TMEM45A: variants seen among roughly 807,000 people sequenced by gnomAD.
TMEM45A encodes the protein transmembrane protein 45A, also known as DNA polymerase-transactivated protein 4.
A neutral mutation model predicts 32.0 loss-of-function variants in TMEM45A; 25 were observed. The observed-to-expected ratio is 0.78, with a 90% CI of 0.57 to 1.09. The LOEUF is 1.09. TMEM45A is among the 50% of genes least tolerant of loss of function. The pLI is 0.00. For synonymous variants in TMEM45A, 122 were observed against 114.8 expected, an observed-to-expected ratio of 1.06 and a Z score of -0.40; for missense variants, 302 against 325.0, an observed-to-expected ratio of 0.93 and a Z score of 0.54.
At position 100,557,015 on chromosome 3, in the gene TMEM45A, G is replaced by A. The variant is rs183255113; in HGVS notation, c.403+43G>A. 2.5e-6 allele frequency: 4 copies of A among 1,583,622 alleles called. No homozygotes were observed. In the African/African-American group the frequency reaches 4.0e-5, roughly 16 times the overall value. ...TTTTCATGTACCTTTCTCTATTAGT[G>A]AGCATTTATGTAGCCCTTCATATTA... On this transcript the variant is annotated intron_variant, in intron 3 of 5. Coordinates refer to ENST00000323523, the MANE Select transcript of TMEM45A (RefSeq NM_018004.3).
intron 1 of TMEM45A, among the ~76,000 whole-genome samples, chr3:100,547,037 C>T (rs1313499761): frequency 1.3e-5 from 2 of 152,142 alleles, no homozygotes; most frequent in African/African-American, 4.8e-5. Context: ...TTTTTACTTC[C>T]CCCAAACTTG....
At chr3:100,532,430 T>G (rs1705663504) in intron 1 of TMEM45A, among the ~76,000 whole-genome samples, 1 of 152,220 alleles carries the variant, frequency 6.6e-6, no homozygotes, top group Non-Finnish European at 1.5e-5. Flanking sequence ...GGCTTTAATG[T>G]ACTTAACAGA....
chr3:100,513,345 C>G (rs561148713), intron 1 of TMEM45A, among the ~76,000 whole-genome samples: 1 of 152,074 alleles, frequency 6.6e-6, no homozygotes, highest in Admixed American at 6.5e-5. Flanking sequence ...AAATGTAATC[C>G]AGCATATAAA....
intron 1 of TMEM45A, among the ~76,000 whole-genome samples, chr3:100,514,846 C>T (rs1211543214): frequency 6.7e-6 from 1 of 149,376 alleles, no homozygotes; most frequent in African/African-American, 2.5e-5. Flanking sequence ...CAAAAGAAGA[C>T]ATTTATGCAG....
intron 1 of TMEM45A, among the ~76,000 whole-genome samples, chr3:100,504,449 A>G (rs188661687): frequency 1.3e-5 from 2 of 152,270 alleles, no homozygotes; most frequent in East Asian, 3.9e-4. Context: ...CGTATAACCT[A>G]TGCACCACAG....
At chr3:100,554,275 A>G (rs1706169094) in intron 1 of TMEM45A, among the ~76,000 whole-genome samples, 1 of 152,162 alleles carries the variant, frequency 6.6e-6, no homozygotes, top group African/African-American at 2.4e-5. Flanking sequence ...CAAAGTTTGC[A>G]ATTTGATTTG....
chr3:100,569,076 C>A (rs1706503416), intron 5 of TMEM45A, 109 bp downstream of exon 5: 3 of 1,155,446 alleles, frequency 2.6e-6, no homozygotes, highest in Non-Finnish European at 3.7e-6. Context: ...CCTTATCATC[C>A]CATAAGACAG....
chr3:100,529,588 G>T (rs929425426), intron 1 of TMEM45A, among the ~76,000 whole-genome samples: 1 of 152,084 alleles, frequency 6.6e-6, no homozygotes, highest in African/African-American at 2.4e-5. Context: ...GTGAGTCTTG[G>T]AGTCAAAACC....
Position 100,555,189 on chromosome 3 carries a change from G to A in TMEM45A, c.-3-20G>A. 1 of 1,574,736 alleles carries A rather than the reference G, an allele frequency of 6.4e-7. No homozygotes were observed. Among genetic ancestry groups the A allele is most frequent in the Non-Finnish European group, 8.6e-7 (1 of 1,160,960 alleles). On this transcript the variant is annotated intron_variant, in intron 1 of 5. Transcript: ENST00000323523. Reference sequence around the variant, plus strand: ...GGCAATGAAATGTCTTTTACTTTCTGTGTGTTCTTATATTTGTAGATCATG... The same window carrying A: ...GGCAATGAAATGTCTTTTACTTTCTATGTGTTCTTATATTTGTAGATCATG...
At position 100,568,946 on chromosome 3, in the gene TMEM45A, T is replaced by C; in HGVS notation, c.713T>C (p.Met238Thr). ...HYAVTIVIVGMNYAFITWLVK... is the reference protein window; with the variant it reads ...HYAVTIVIVGTNYAFITWLVK... ...GCAGTAACCATTGTCATCGTTGGAA[T>C]GAATTATGCTTTCATTACCTGGTAA... Residue 238 changes from methionine (M) to threonine (T), a missense_variant, in exon 5 of 6, where the codon ATG becomes ACG. Transcript: ENST00000323523. 1 of 1,613,138 alleles carries C rather than the reference T, an allele frequency of 6.2e-7. No individual in the cohort carries two copies.
chr3:100,503,728 T>G (rs777978066), intron 1 of TMEM45A, among the ~76,000 whole-genome samples: 31 of 152,216 alleles, frequency 2.0e-4, no homozygotes. Flanking sequence ...GACTGTTGGT[T>G]AGGTTTCAAC....
At position 100,533,945 on chromosome 3, in the gene TMEM45A, C is replaced by T. The variant is rs897391931; in HGVS notation, c.-3-21264C>T. ...AGAATCTGGGGTCTTAAAAAAATGA[C>T]GCCTGGGTCCACTCAGACTAATTGA... On this transcript the variant is annotated intron_variant, in intron 1 of 5. Transcript: ENST00000323523. Among the ~76,000 whole-genome samples, 8 of 152,172 alleles carry T rather than the reference C, an allele frequency of 5.3e-5. No homozygotes were observed. The East Asian group carries it at 5.8e-4, about 11-fold the overall frequency.
At chr3:100,568,062 G>T (rs889393983) in intron 4 of TMEM45A, among the ~76,000 whole-genome samples, 1 of 152,158 alleles carries the variant, frequency 6.6e-6, no homozygotes, top group Admixed American at 6.5e-5. Context: ...TGAGATTACA[G>T]GCGTGAGCCA....
intron 1 of TMEM45A, among the ~76,000 whole-genome samples, chr3:100,533,548 C>T (rs1705688335): frequency 6.6e-6 from 1 of 152,096 alleles, no homozygotes; most frequent in South Asian, 2.1e-4. Context: ...CAACTTTGCC[C>T]TTCCCTTGGC....
chr3:100,560,232 A>T (rs1706305739), intron 4 of TMEM45A, among the ~76,000 whole-genome samples: 1 of 148,688 alleles, frequency 6.7e-6, no homozygotes, highest in Admixed American at 6.7e-5. Context: ...GCTTTGTTGT[A>T]AGGCTGTTTT....
At chr3:100,573,102 A>G (rs1334979101) in intron 5 of TMEM45A, 2 of 151,818 alleles carry the variant, frequency 1.3e-5, no homozygotes, top group Admixed American at 6.6e-5. Flanking sequence ...TTGGTTCCAT[A>G]TGAACTTTAA....
chr3:100,573,079 T>C (rs961693573), intron 5 of TMEM45A: 100 of 151,700 alleles, frequency 6.6e-4, no homozygotes, highest in African/African-American at 2.3e-3. Context: ...GACTTGGCGA[T>C]GCGGGCTCTT....
chr3:100,569,231 G>A (rs889677465), intron 5 of TMEM45A, among the ~76,000 whole-genome samples: 2 of 152,150 alleles, frequency 1.3e-5, no homozygotes, highest in Admixed American at 1.3e-4. Context: ...GTGCCTCCAT[G>A]TCTCCACATA....
intron 5 of TMEM45A, among the ~76,000 whole-genome samples, chr3:100,569,676 A>C (rs1007212627): frequency 1.8e-4 from 27 of 152,172 alleles, no homozygotes; most frequent in Non-Finnish European, 1.5e-5. Flanking sequence ...GAGCTCAATA[A>C]ATATTATTGT....
Sources: allele counts gnomAD v4.1 joint callset (sites outside exome capture counted in the v4.1 genomes callset), GRCh38; gene constraint gnomAD v4.1.1; transcripts MANE v1.5; gene names NCBI Gene and HGNC (gene_info 2026-07-23, HGNC 2026-07-21).